The following ELAVL2 variants were observed in gnomAD, a reference collection of about 807,000 sequenced individuals.
ELAVL2 encodes the protein ELAV-like protein 2.
A neutral mutation model predicts 34.6 loss-of-function variants in ELAVL2; 4 were observed. The observed-to-expected ratio is 0.12, with a 90% confidence interval of 0.06 to 0.26. The LOEUF is 0.26. Ranked by LOEUF, ELAVL2 falls within the 10% of genes least tolerant of loss-of-function variation. ELAVL2 has a pLI of 1.00. For synonymous variants in ELAVL2, 193 were observed against 154.8 expected (o/e 1.25, Z -1.83); for missense variants, 432 against 442.8 (o/e 0.98, Z 0.22).
At chr9:23,799,107 T>TA (rs2137553080) in intron 1 of ELAVL2, among the ~76,000 whole-genome samples, 1 of 152,276 alleles carries the variant, frequency 6.6e-6, no homozygotes, top group East Asian at 1.9e-4. Flanking sequence ...AAGACAGACA[T>TA]AATATGACTA....
At chr9:23,784,418 G>A (rs1182704861) in intron 1 of ELAVL2, among the ~76,000 whole-genome samples, 1 of 152,196 alleles carries the variant, frequency 6.6e-6, no homozygotes, top group Non-Finnish European at 1.5e-5. Flanking sequence ...TTTAAGCTGA[G>A]ATCTAAAGAT....
chr9:23,820,056 G>A (rs146059303), intron 1 of ELAVL2, among the ~76,000 whole-genome samples: 2 of 152,236 alleles, frequency 1.3e-5, no homozygotes, highest in East Asian at 1.9e-4. Flanking sequence ...CAAGGTAGAT[G>A]CAGGACAGCT....
At chr9:23,774,067 C>T (rs757893033) in intron 1 of ELAVL2, among the ~76,000 whole-genome samples, 3 of 151,500 alleles carry the variant, frequency 2.0e-5, no homozygotes, top group Admixed American at 6.6e-5. Flanking sequence ...AAAAATTAGC[C>T]GGACTTGGTG....
intron 3 of ELAVL2, among the ~76,000 whole-genome samples, chr9:23,711,904 C>T (rs1043231095): frequency 1.3e-5 from 2 of 152,136 alleles, no homozygotes; most frequent in African/African-American, 2.4e-5. Flanking sequence ...TAAAAGCTAA[C>T]AGAAGCCACA....
intron 2 of ELAVL2, among the ~76,000 whole-genome samples, chr9:23,739,230 G>C (rs550788721): frequency 3.3e-5 from 5 of 152,254 alleles, no homozygotes; most frequent in Non-Finnish European, 7.4e-5. Flanking sequence ...GAAAGAAAGT[G>C]ACTGAGATAG....
intron 1 of ELAVL2, among the ~76,000 whole-genome samples, chr9:23,778,926 A>G (rs1400078487): frequency 6.6e-6 from 1 of 152,212 alleles, no homozygotes; most frequent in Admixed American, 6.5e-5. Context: ...CTGTCCACAA[A>G]GAATTAGGTA....
upstream of ELAVL2, among the ~76,000 whole-genome samples, chr9:23,830,516 A>C (rs1338429465): frequency 1.3e-5 from 2 of 151,794 alleles, no homozygotes; most frequent in Non-Finnish European, 2.9e-5. Flanking sequence ...TTGTTCATTT[A>C]AATGTTCTTT....
At chr9:23,773,071 G>C (rs1182726158) in intron 1 of ELAVL2, among the ~76,000 whole-genome samples, 1 of 152,110 alleles carries the variant, frequency 6.6e-6, no homozygotes, top group Non-Finnish European at 1.5e-5. Flanking sequence ...AGAAAAAAAA[G>C]TGGGGGAGGG....
At chr9:23,711,942 G>A (rs575563656) in intron 3 of ELAVL2, among the ~76,000 whole-genome samples, 2 of 152,142 alleles carry the variant, frequency 1.3e-5, no homozygotes, top group East Asian at 1.9e-4. Context: ...AACATTATAC[G>A]CATTGGTACT....
At chr9:23,791,242 C>A (rs1162783918) in intron 1 of ELAVL2, among the ~76,000 whole-genome samples, 1 of 152,146 alleles carries the variant, frequency 6.6e-6, no homozygotes, top group Non-Finnish European at 1.5e-5. Context: ...AAATGCTAAT[C>A]GCAGGGGTGG....
intron 3 of ELAVL2, among the ~76,000 whole-genome samples, chr9:23,713,740 T>C (rs556840419): frequency 5.3e-5 from 8 of 152,260 alleles, no homozygotes; most frequent in African/African-American, 1.9e-4. Flanking sequence ...TTCAAAAATA[T>C]ATTATACAAA....
At chr9:23,801,403 A>C (rs1279972544) in intron 1 of ELAVL2, among the ~76,000 whole-genome samples, 1 of 152,164 alleles carries the variant, frequency 6.6e-6, no homozygotes, top group Non-Finnish European at 1.5e-5. Flanking sequence ...GAAAAGTTAT[A>C]CTGTCATTCA....
intron 3 of ELAVL2, among the ~76,000 whole-genome samples, chr9:23,718,474 T>G (rs2042861240): frequency 6.6e-6 from 1 of 152,180 alleles, no homozygotes; most frequent in Non-Finnish European, 1.5e-5. Context: ...CAGTAGAAAC[T>G]GTACCAGTTT....
the ELAVL2 span, among the ~76,000 whole-genome samples, chr9:23,842,180 T>C: frequency 2.6e-5 from 4 of 152,152 alleles, no homozygotes; most frequent in Non-Finnish European, 5.9e-5. Flanking sequence ...GAGAGCCCCT[T>C]CAGAGTTTTT....
intron 1 of ELAVL2, among the ~76,000 whole-genome samples, chr9:23,791,183 A>C (rs180891469): frequency 1.3e-5 from 2 of 152,330 alleles, no homozygotes; most frequent in East Asian, 3.9e-4. Context: ...GTCACAAACT[A>C]CTGTACAGAC....
At chr9:23,727,944 C>A (rs1017009842) in intron 3 of ELAVL2, among the ~76,000 whole-genome samples, 5 of 152,056 alleles carry the variant, frequency 3.3e-5, no homozygotes, top group African/African-American at 1.2e-4. Context: ...CAAACGCATA[C>A]TAAATTCTAA....
chr9:23,811,330 G>GT (rs2062962273), intron 1 of ELAVL2, among the ~76,000 whole-genome samples: 1 of 136,386 alleles, frequency 7.3e-6, no homozygotes, highest in Admixed American at 7.7e-5. Context: ...CACCTTTCAA[G>GT]GAAAAAAAAA....
At chr9:23,745,224 C>T (rs2050206064) in intron 2 of ELAVL2, among the ~76,000 whole-genome samples, 1 of 152,060 alleles carries the variant, frequency 6.6e-6, no homozygotes, top group African/African-American at 2.4e-5. Context: ...AAATAAAATA[C>T]AAATCAAATA....
At chr9:23,736,044 ATATTT>A (rs900448257) in intron 2 of ELAVL2, among the ~76,000 whole-genome samples, 6 of 152,176 alleles carry the variant, frequency 3.9e-5, no homozygotes, top group African/African-American at 1.4e-4. Context: ...TTTTAATTGC[ATATTT>A]TAATTAAAAA....
Sources: allele counts gnomAD v4.1 joint callset (sites outside exome capture counted in the v4.1 genomes callset), GRCh38; gene constraint gnomAD v4.1.1; transcripts MANE v1.5; gene names NCBI Gene and HGNC (gene_info 2026-07-23, HGNC 2026-07-21).